The following ZNF705G variants were observed in gnomAD, a reference collection of about 807,000 sequenced individuals.
The protein encoded by ZNF705G is zinc finger protein 705G.
In ZNF705G, 23 loss-of-function variants were observed where a neutral mutation model predicts 19.6. The observed-to-expected ratio is 1.17, with a 90% confidence interval of 0.84 to 1.66. The LOEUF (loss-of-function observed/expected upper bound fraction) is 1.66, where lower values mean the gene tolerates loss of function less well. ZNF705G is among the 40% of genes most tolerant of loss of function. The probability of loss-of-function intolerance (pLI) is 0.00; values close to 1 mark genes in which losing one functional copy is unlikely to be tolerated. For synonymous variants in ZNF705G, 146 were observed against 117.7 expected, an observed-to-expected ratio of 1.24 and a Z score of -1.56; for missense variants, 457 against 354.4, an observed-to-expected ratio of 1.29 and a Z score of -2.32.
At chr8:7,381,791 G>C (rs1255405144) in intron 1 of ZNF705G, among the ~76,000 whole-genome samples, 190 bp from the exon 2 acceptor site, 1 of 149,230 alleles carries the variant, frequency 6.7e-6, no homozygotes, top group South Asian at 2.1e-4. Context: ...CTGGTACTAT[G>C]TTCAGTACCA....
intron 2 of ZNF705G, among the ~76,000 whole-genome samples, chr8:7,364,714 A>G (rs1806779659): frequency 6.7e-6 from 1 of 149,514 alleles, no homozygotes; most frequent in Non-Finnish European, 1.5e-5. Context: ...AGACTTCAAC[A>G]AGCACTTTTC....
In ZNF705G at chr8:7,358,177, C is replaced by A. The variant is rs747750005; in HGVS notation, c.702G>T (p.Gly234=). 3 of 1,607,468 alleles carry A rather than the reference C, an allele frequency of 1.9e-6. No individual in the cohort carries two copies. In the Admixed American group the frequency reaches 5.0e-5, roughly 27 times the overall value. The part of the protein sequence containing the change: ...GQRPYKCHQY[G]KVFIQSFNLQ... Reference sequence around the variant, plus strand: ...GGTTAAAGGATTGAATAAAGACTTTCCCATATTGATGACACTTATATGGTC... The same window carrying A: ...GGTTAAAGGATTGAATAAAGACTTTACCATATTGATGACACTTATATGGTC... Residue 234 remains glycine, a synonymous_variant, in exon 7 of 7, where the codon GGG becomes GGT. Coordinates refer to ENST00000400156, the MANE Select transcript of ZNF705G (RefSeq NM_001164457.3).
Position 7,358,178 on chromosome 8 carries a change from C to T in ZNF705G, c.701G>A (p.Gly234Glu), listed in dbSNP as rs771826837. Residue 234 changes from glycine (G) to glutamate (E), a missense_variant, in exon 7 of 7, where the codon GGG becomes GAG. Transcript: ENST00000400156. Reference sequence around the variant, plus strand: ...GTTAAAGGATTGAATAAAGACTTTCCCATATTGATGACACTTATATGGTCT... The same window carrying T: ...GTTAAAGGATTGAATAAAGACTTTCTCATATTGATGACACTTATATGGTCT... ...GQRPYKCHQY[G>E]KVFIQSFNLQ... 8.1e-6 allele frequency: 13 copies of T among 1,607,354 alleles called. No homozygotes were observed. The highest frequency in any genetic ancestry group is 1.7e-5 in the Admixed American group (1 of 59,920).
At chr8:7,367,961 G>C (rs1366566784) in intron 2 of ZNF705G, among the ~76,000 whole-genome samples, 1 of 149,704 alleles carries the variant, frequency 6.7e-6, no homozygotes. Flanking sequence ...AAAAGTTGGA[G>C]GATGCAGTGA....
At chr8:7,361,059 T>C in intron 4 of ZNF705G, 51 bp downstream of exon 4, 1 of 1,592,516 alleles carries the variant, frequency 6.3e-7, no homozygotes, top group Non-Finnish European at 8.5e-7. Context: ...ACTTATTGAA[T>C]GAATGAGTGA....
In ZNF705G at chr8:7,358,321, G is replaced by T. The variant is rs765359991; in HGVS notation, c.558C>A (p.His186Gln). The change falls in exon 7 of 7, where the codon CAC becomes CAA. Residue 186 changes from histidine (H) to glutamine (Q), a missense_variant. Physicochemically the swap from His to Gln is conservative, Grantham distance 24. Coordinates refer to ENST00000400156, the MANE Select transcript of ZNF705G (RefSeq NM_001164457.3). ...LCEKAYTNCFHLRRHKMTHTG... is the reference protein window; with the variant it reads ...LCEKAYTNCFQLRRHKMTHTG... ...TGTGAGTCATCTTGTGCCGTCTAAG[G>T]TGAAAGCAATTAGTATAGGCCTTTT... is the stretch of plus-strand genomic sequence containing the variant. 1.2e-5 allele frequency: 19 copies of T among 1,607,772 alleles called. 1 individual carries two copies. Among genetic ancestry groups the T allele is most frequent in the Non-Finnish European group, 1.5e-5 (18 of 1,179,642 alleles).
intron 2 of ZNF705G, among the ~76,000 whole-genome samples, chr8:7,366,243 T>A (rs1806851322): frequency 6.7e-6 from 1 of 148,800 alleles, no homozygotes. Flanking sequence ...AAGCCTCTCA[T>A]GGCTTCCAAC....
intron 2 of ZNF705G, among the ~76,000 whole-genome samples, chr8:7,365,823 G>A (rs1464486882): frequency 2.0e-5 from 3 of 149,716 alleles, no homozygotes; most frequent in East Asian, 1.9e-4. Flanking sequence ...TATTAGGAAT[G>A]CATTATTAGG....
chr8:7,381,684 G>C (rs1321228644), intron 1 of ZNF705G, 83 bp from the exon 2 acceptor site: 1 of 148,670 alleles, frequency 6.7e-6, no homozygotes, highest in Non-Finnish European at 1.5e-5. Context: ...ATAAATAAGA[G>C]CTAAGCATTG....
Position 7,362,996 on chromosome 8 carries a change from A to T in ZNF705G, c.-50T>A, listed in dbSNP as rs771607115. The stretch of plus-strand genomic sequence containing the variant: ...TCTTCCTCTGGATTTCCACTTGCAG[A>T]CACTTTAGGCACTAAGAAAAGCTGA... On this transcript the variant is annotated 5_prime_UTR_variant, in exon 3 of 7. Transcript: ENST00000400156. 6.3e-7 allele frequency: 1 copy of T among 1,584,850 alleles called. No individual in the cohort carries two copies. Among genetic ancestry groups the T allele is most frequent in the Admixed American group, 1.7e-5 (1 of 59,868 alleles).
At position 7,356,098 on chromosome 8, in the gene ZNF705G, C is replaced by G. The variant is rs1167683940; in HGVS notation, c.*1878G>C. The G allele has an allele frequency of 1.3e-5, 2 of 149,342 alleles. No individual in the cohort carries two copies. Among genetic ancestry groups the G allele is most frequent in the African/African-American group, 2.6e-5 (1 of 38,728 alleles). 9.3% of individuals were successfully genotyped at this position (149,342 alleles called of 1,614,324 possible). ...TTCAGTTTTAGGTTCAGTGGTGAGG[C>G]TCCTTCACGGACAATACATTTTTCA... On this transcript the variant is annotated 3_prime_UTR_variant, in exon 7 of 7. Coordinates refer to ENST00000400156, the MANE Select transcript of ZNF705G (RefSeq NM_001164457.3).
intron 2 of ZNF705G, among the ~76,000 whole-genome samples, chr8:7,371,371 A>G (rs2128843127): frequency 7.0e-6 from 1 of 142,062 alleles, no homozygotes; most frequent in African/African-American, 2.8e-5. Context: ...CACGTAAGTA[A>G]GTTCTGGAGG....
rs754451155 is a variant in ZNF705G, at chr8:7,358,035, T to C, written c.844A>G (p.Lys282Glu). ...RGNKIIHTGE[K>E]PHACLLCGKA... is the part of the protein sequence containing the mutation. ...CCACATAGAAGACAAGCATGTGGTT[T>C]CTCTCCAGTGTGAATTATTTTGTTT... The change falls in exon 7 of 7, where the codon AAA becomes GAA. Residue 282 changes from lysine (K) to glutamate (E), a missense_variant. Physicochemically the swap from Lys to Glu is moderately conservative, Grantham distance 56 (BLOSUM62 1). Transcript: ENST00000400156. 5.3e-5 allele frequency: 86 copies of C among 1,608,818 alleles called. 2 individuals carry two copies. In the South Asian group the frequency reaches 9.3e-4, roughly 17 times the overall value.
At position 7,360,226 on chromosome 8, in the gene ZNF705G, C is replaced by T. The variant is rs1408299713; in HGVS notation, c.235+11G>A. The T allele has an allele frequency of 6.9e-6, 11 of 1,591,886 alleles. No individual in the cohort carries two copies. In the Middle Eastern group the frequency reaches 9.1e-4, roughly 131 times the overall value. ...CCTCCTCCTATTAGAGCACAGGACCCTGTTGCTTACTTGGATTCTGGTCTT... is the reference window on the plus strand; with the variant it reads ...CCTCCTCCTATTAGAGCACAGGACCTTGTTGCTTACTTGGATTCTGGTCTT... On this transcript the variant is annotated intron_variant, in intron 5 of 6. Coordinates refer to ENST00000400156, the MANE Select transcript of ZNF705G (RefSeq NM_001164457.3).
chr8:7,357,278 C>G lies in ZNF705G; in HGVS notation c.*698G>C, dbSNP rs1266812255. On this transcript the variant is annotated 3_prime_UTR_variant, in exon 7 of 7. Transcript: ENST00000400156. Reference sequence around the variant, plus strand: ...AAGTATTTGGTATTCCAAGAGAATTCATTGCCCTTGGAAAGATTTTCCCTT... The same window carrying G: ...AAGTATTTGGTATTCCAAGAGAATTGATTGCCCTTGGAAAGATTTTCCCTT... 5 of 151,684 alleles carry G rather than the reference C, an allele frequency of 3.3e-5. No homozygotes were observed. Among genetic ancestry groups the G allele is most frequent in the Admixed American group, 3.2e-4 (5 of 15,522 alleles). The allele number at this position is 151,684 out of a possible 1,614,324, so 9.4% of individuals were successfully genotyped here.
At chr8:7,362,130 G>C (rs1266966154) in intron 3 of ZNF705G, among the ~76,000 whole-genome samples, 4 of 149,090 alleles carry the variant, frequency 2.7e-5, no homozygotes, top group Non-Finnish European at 5.9e-5. Context: ...CCTCTTCATT[G>C]TTTTTTTTCT....
chr8:7,362,132 T>G (rs1349229647), intron 3 of ZNF705G, among the ~76,000 whole-genome samples: 1 of 149,556 alleles, frequency 6.7e-6, no homozygotes, highest in Non-Finnish European at 1.5e-5. Flanking sequence ...TCTTCATTGT[T>G]TTTTTTCTAA....
chr8:7,384,874 A>G (rs1468026848), intron 1 of ZNF705G, among the ~76,000 whole-genome samples: 5 of 146,392 alleles, frequency 3.4e-5, no homozygotes, highest in African/African-American at 1.4e-4. Flanking sequence ...TGAAAGTGGT[A>G]TCTTAGTTGA....
intron 2 of ZNF705G, among the ~76,000 whole-genome samples, chr8:7,365,021 A>G (rs1359375611): frequency 6.7e-6 from 1 of 149,716 alleles, no homozygotes; most frequent in Admixed American, 6.6e-5. Flanking sequence ...ATTATAACCC[A>G]AACATGAATG....
Sources: allele counts gnomAD v4.1 joint callset (sites outside exome capture counted in the v4.1 genomes callset), GRCh38; gene constraint gnomAD v4.1.1; transcripts MANE v1.5; gene names NCBI Gene and HGNC (gene_info 2026-07-23, HGNC 2026-07-21).